PPIL4: variants seen among roughly 807,000 people sequenced by gnomAD.
PPIL4 encodes peptidyl-prolyl cis-trans isomerase-like 4.
Under a neutral mutation model 69.1 loss-of-function variants are expected in PPIL4, and 50 were observed. That is an observed-to-expected ratio of 0.72 (90% confidence interval 0.58 to 0.92). The LOEUF (loss-of-function observed/expected upper bound fraction) is 0.92. Among genes scored for constraint, PPIL4 ranks in the 40% least tolerant of loss-of-function variants. The pLI is 0.00. For synonymous variants in PPIL4, 193 were observed against 191.6 expected, an observed-to-expected ratio of 1.01 and a Z score of -0.06; for missense variants, 480 against 587.9, an observed-to-expected ratio of 0.82 and a Z score of 1.90.
chr6:149,525,311 G>A, intron 8 of PPIL4, 102 bp from the exon 9 acceptor site: 3 of 590,498 alleles, frequency 5.1e-6, no homozygotes, highest in East Asian at 2.9e-5. Context: ...GTTACTACAA[G>A]GCAAAGTTAA....
intron 10 of PPIL4, among the ~76,000 whole-genome samples, chr6:149,518,449 T>C (rs1776979579): frequency 6.6e-6 from 1 of 152,130 alleles, no homozygotes; most frequent in African/African-American, 2.4e-5. Flanking sequence ...CTAGATTAAA[T>C]GTAGAAGTAA....
chr6:149,539,937 C>A (rs551675437), intron 4 of PPIL4, among the ~76,000 whole-genome samples: 4 of 151,836 alleles, frequency 2.6e-5, no homozygotes, highest in Admixed American at 6.6e-5. Flanking sequence ...TGAGACCAGC[C>A]TGGCCAACAT....
intron 5 of PPIL4, among the ~76,000 whole-genome samples, chr6:149,535,067 A>G: frequency 6.6e-6 from 1 of 152,198 alleles, no homozygotes; most frequent in Non-Finnish European, 1.5e-5. Context: ...AGCATTAACA[A>G]TTCCTCCAGC....
At chr6:149,533,832 T>A (rs1777235162) in intron 6 of PPIL4, among the ~76,000 whole-genome samples, 1 of 152,104 alleles carries the variant, frequency 6.6e-6, no homozygotes, top group African/African-American at 2.4e-5. Context: ...TTATATTAAT[T>A]CTAAAATATT....
At chr6:149,542,623 T>C (rs965034616) in intron 1 of PPIL4, among the ~76,000 whole-genome samples, 39 of 151,974 alleles carry the variant, frequency 2.6e-4, no homozygotes, top group African/African-American at 9.4e-4. Flanking sequence ...ATCTAATTAA[T>C]AACATGTGTG....
chr6:149,513,805 G>A (rs56277480), intron 11 of PPIL4, among the ~76,000 whole-genome samples: 7,079 of 149,926 alleles, frequency 0.047, 234 homozygotes, highest in Non-Finnish European at 0.069. Flanking sequence ...TTTTAATTCA[G>A]AGATAAGTAT....
At chr6:149,537,278 A>G (rs1174125599) in intron 4 of PPIL4, among the ~76,000 whole-genome samples, 3 of 152,254 alleles carry the variant, frequency 2.0e-5, no homozygotes, top group South Asian at 2.1e-4. Flanking sequence ...TTTCACAGCT[A>G]GAGAGGAAAA....
At chr6:149,505,806 T>A in intron 12 of PPIL4, 102 bp from the exon 13 acceptor site, 1 of 987,612 alleles carries the variant, frequency 1.0e-6, no homozygotes. Flanking sequence ...AGAAGGCTGT[T>A]ATAACAGCTT....
chr6:149,505,585 C>T lies in PPIL4; in HGVS notation c.1347G>A (p.Arg449=). 1 of 1,614,014 alleles carries T rather than the reference C, an allele frequency of 6.2e-7. No homozygotes were observed. Among genetic ancestry groups the T allele is most frequent in the African/African-American group, 1.3e-5 (1 of 74,980 alleles). Residue 449 remains arginine (R), a synonymous_variant, in exon 13 of 13, where the codon AGG becomes AGA. Coordinates refer to ENST00000253329, the MANE Select transcript of PPIL4 (RefSeq NM_139126.4). ...TATGACTATTACTATAATGGCCATCCCTCTCTCGAGATCGGCTACGACTTC... is the reference window on the plus strand; with the variant it reads ...TATGACTATTACTATAATGGCCATCTCTCTCTCGAGATCGGCTACGACTTC... ...QNRSRSRSRE[R]DGHYSNSHKS...
chr6:149,543,527 C>T (rs1275145347), intron 1 of PPIL4, among the ~76,000 whole-genome samples: 1 of 152,118 alleles, frequency 6.6e-6, no homozygotes, highest in African/African-American at 2.4e-5. Flanking sequence ...TTAAATGATA[C>T]TAAAAATTAT....
At chr6:149,545,821 A>T (rs1777431832) in intron 1 of PPIL4, 115 bp downstream of exon 1, 1 of 958,992 alleles carries the variant, frequency 1.0e-6, no homozygotes, top group African/African-American at 1.7e-5. Flanking sequence ...CGCGGGCACC[A>T]GCAGCCCAGA....
chr6:149,517,285 C>T, intron 11 of PPIL4, 69 bp downstream of exon 11: 1 of 847,912 alleles, frequency 1.2e-6, no homozygotes, highest in Non-Finnish European at 1.9e-6. Flanking sequence ...TTTCATAACA[C>T]ATCACACAGT....
chr6:149,516,002 A>G (rs771852607), intron 11 of PPIL4, among the ~76,000 whole-genome samples: 2 of 152,218 alleles, frequency 1.3e-5, no homozygotes, highest in African/African-American at 4.8e-5. Flanking sequence ...ACATCAGACT[A>G]TCCCCTAACA....
In PPIL4 at chr6:149,525,229, AG is replaced by A; in HGVS notation, c.804-21del. ...TCACAACTGAAAGAAAGTATTTAAA[AG>A]TGACTTAAAAAAAAAAAAAAGGAAG... On this transcript the variant is annotated intron_variant, in intron 8 of 12. Transcript: ENST00000253329. 7.2e-7 allele frequency: 1 copy of A among 1,381,598 alleles called. No homozygotes were observed. Among genetic ancestry groups the A allele is most frequent in the Non-Finnish European group, 1.0e-6 (1 of 992,600 alleles). The allele number at this position is 1,381,598 out of a possible 1,614,324, so 85.6% of individuals were successfully genotyped here. A position where few individuals can be genotyped will look rare whatever the true frequency, so the allele number is the denominator to read the frequency against.
chr6:149,545,791 G>T, intron 1 of PPIL4, 145 bp downstream of exon 1: 4 of 719,596 alleles, frequency 5.6e-6, no homozygotes, highest in South Asian at 5.5e-5. Context: ...AGCCAAGGCC[G>T]GTTAATAAAA....
chr6:149,540,845 C>T (rs11961781), intron 4 of PPIL4, 97 bp downstream of exon 4: 21,587 of 626,134 alleles, frequency 0.034, 1,225 homozygotes, highest in African/African-American at 0.19. Context: ...TGATTGAAAC[C>T]CTCTAAGCCT....
At chr6:149,542,575 T>C (rs1777380151) in intron 1 of PPIL4, among the ~76,000 whole-genome samples, 1 of 152,166 alleles carries the variant, frequency 6.6e-6, no homozygotes, top group Non-Finnish European at 1.5e-5. Context: ...TAAATTAGGG[T>C]CCTTACATCT....
At chr6:149,510,304 G>A (rs1211967571) in intron 12 of PPIL4, among the ~76,000 whole-genome samples, 1 of 151,964 alleles carries the variant, frequency 6.6e-6, no homozygotes, top group Non-Finnish European at 1.5e-5. Context: ...ACCCACAGAG[G>A]GAAGAAGGAA....
chr6:149,512,396 A>T, intron 11 of PPIL4, 94 bp from the exon 12 acceptor site: 1 of 858,784 alleles, frequency 1.2e-6, no homozygotes, highest in Non-Finnish European at 1.8e-6. Flanking sequence ...TAAGGCTAAA[A>T]GTAACTAAAG....
Sources: gnomAD v4.1 joint callset for allele counts (sites outside exome capture counted in the v4.1 genomes callset) on GRCh38, gnomAD v4.1.1 for gene constraint, MANE v1.5 for transcripts, NCBI Gene and HGNC (gene_info 2026-07-23, HGNC 2026-07-21) for gene names.